Variants in TDRD9 observed in about 807,000 individuals in gnomAD.
TDRD9 encodes ATP-dependent RNA helicase TDRD9.
Under a neutral mutation model 172.6 loss-of-function variants are expected in TDRD9, and 124 were observed. The ratio of observed to expected loss-of-function variants is 0.72; its 90% confidence interval spans 0.62 to 0.83. TDRD9 has a LOEUF of 0.83. Among genes scored for constraint, TDRD9 ranks in the 40% least tolerant of loss-of-function variants. TDRD9 has a pLI of 0.00. For missense variants in TDRD9, 1,479 were observed against 1,714.1 expected (o/e 0.86, Z 2.42); for synonymous variants, 619 against 617.1 (o/e 1.00, Z -0.05).
chr14:103,966,938 TC>T, intron 5 of TDRD9, 107 bp downstream of exon 5: 1 of 1,090,702 alleles, frequency 9.2e-7, no homozygotes, highest in East Asian at 2.9e-5. Flanking sequence ...CTTTATTTTT[TC>T]CTTCCCCTTT....
At chr14:103,995,114 C>T (rs1282134327) in intron 11 of TDRD9, among the ~76,000 whole-genome samples, 2 of 152,106 alleles carry the variant, frequency 1.3e-5, no homozygotes, top group Non-Finnish European at 2.9e-5. Flanking sequence ...TTTGTTTTCT[C>T]AATTCAGGAA....
chr14:103,950,090 C>CTTTT lies in TDRD9; in HGVS notation c.216-5559_216-5556dup, dbSNP rs58379140. On this transcript the variant is annotated intron_variant, in intron 1 of 35. Transcript: ENST00000409874. ...GGGCCCTGCCCTCTTTCCTTCCTTC[C>CTTTT]TTTTTTTTTTTTTTTTTTGATGGAG... Among the ~76,000 whole-genome samples the CTTTT allele has an allele frequency of 1.8e-4, 19 of 108,438 alleles. 1 individual carries two copies. The highest frequency in any genetic ancestry group is 2.7e-4 in the East Asian group (1 of 3,706). 71.1% of individuals were successfully genotyped at this position (108,438 alleles called of 152,430 possible). A position where few individuals can be genotyped will look rare whatever the true frequency, so the allele number is the denominator to read the frequency against.
At position 104,026,817 on chromosome 14, in the gene TDRD9, G is replaced by A. The variant is rs906404116; in HGVS notation, c.3160G>A (p.Val1054Met). 2 of 1,614,052 alleles carry A rather than the reference G, an allele frequency of 1.2e-6. No individual in the cohort carries two copies. The highest frequency in any genetic ancestry group is 4.5e-5 in the East Asian group (2 of 44,888). Residue 1054 changes from valine (V) to methionine (M), a missense_variant, in exon 28 of 36, where the codon GTG (valine) becomes ATG (methionine). Around this residue, in one of 3 missense-constraint regions of TDRD9, gnomAD observed 1,413 missense variants for 1,649.1 expected, o/e 0.86. Transcript: ENST00000409874. The stretch of plus-strand genomic sequence containing the variant: ...CCTCCTTGTGAAGGTCTTCTCTGTG[G>A]TGCACAGCGTCCTGCACGTGGATGT... ...CTLLVKVFSVVHSVLHVDVYQ... is the reference protein window; with the variant it reads ...CTLLVKVFSVMHSVLHVDVYQ...
intron 1 of TDRD9, among the ~76,000 whole-genome samples, chr14:103,946,131 A>G (rs895893989): frequency 6.6e-6 from 1 of 151,792 alleles, no homozygotes; most frequent in Non-Finnish European, 1.5e-5. Flanking sequence ...ATGCCTGACT[A>G]ATTTTTAAAT....
At position 103,934,303 on chromosome 14, in the gene TDRD9, G is replaced by C. The variant is rs562025659; in HGVS notation, c.215+5579G>C. ...GCTGGGATTATAGGAATGAGCCACT[G>C]CCCTGGCCAAAGTCCACATTTTTAA... On this transcript the variant is annotated intron_variant, in intron 1 of 35. Transcript: ENST00000409874. 5.3e-5 allele frequency among the ~76,000 whole-genome samples: 8 copies of C among 152,320 alleles called. No homozygotes were observed. The East Asian group carries it at 1.5e-3, about 29-fold the overall frequency.
chr14:103,937,253 C>G (rs998967892), intron 1 of TDRD9, among the ~76,000 whole-genome samples: 5 of 152,192 alleles, frequency 3.3e-5, no homozygotes, highest in African/African-American at 7.2e-5. Flanking sequence ...ATCTCCTTGT[C>G]TGCTGCTCTC....
chr14:103,956,913 G>A (rs1419608401), intron 2 of TDRD9, among the ~76,000 whole-genome samples: 4 of 152,108 alleles, frequency 2.6e-5, no homozygotes, highest in African/African-American at 7.2e-5. Context: ...ATCTGTCATA[G>A]ATTTCTGCTA....
chr14:103,956,099 AAAAAAAAAAAAAATATATATATAT>A (rs1459644339), intron 2 of TDRD9, among the ~76,000 whole-genome samples: 3 of 53,324 alleles, frequency 5.6e-5, no homozygotes, highest in East Asian at 4.8e-4. Context: ...AAAAAAAAAA[AAAAAAAAAAAAAATATATATATAT>A]ATATATATAT....
At chr14:103,952,220 A>ATTTTTTTTTTT (rs61410445) in intron 1 of TDRD9, among the ~76,000 whole-genome samples, 1 of 32,320 alleles carries the variant, frequency 3.1e-5, no homozygotes, top group Non-Finnish European at 5.0e-5. Flanking sequence ...ATATATATAT[A>ATTTTTTTTTTT]TTTTTTTTTT....
Position 104,042,122 on chromosome 14 carries a change from A to T in TDRD9, c.3909A>T (p.Gly1303=), listed in dbSNP as rs755897913. The T allele has an allele frequency of 6.2e-7, 1 of 1,613,838 alleles. No individual in the cohort carries two copies. Among genetic ancestry groups the T allele is most frequent in the Non-Finnish European group, 8.5e-7 (1 of 1,179,736 alleles). The stretch of plus-strand genomic sequence containing the variant: ...AGCTAGTCTGTGATGGACCAAATGG[A>T]TGCAAGTGTCTTGGGCCAGAGAGAG... ...INKLVCDGPN[G]CKCLGPERVA... The change falls in exon 34 of 36, where the codon GGA becomes GGT. Residue 1303 remains glycine, a synonymous_variant. Coordinates refer to ENST00000409874, the MANE Select transcript of TDRD9 (RefSeq NM_153046.3).
intron 28 of TDRD9, among the ~76,000 whole-genome samples, chr14:104,027,513 G>T (rs780650884): frequency 6.6e-6 from 1 of 152,140 alleles, no homozygotes; most frequent in Non-Finnish European, 1.5e-5. Flanking sequence ...TTGAAAATCA[G>T]TGTTAGAGTT....
Position 103,980,244 on chromosome 14 carries a change from G to A in TDRD9, c.1011+4691G>A, listed in dbSNP as rs111835159. 2.4e-4 allele frequency among the ~76,000 whole-genome samples: 36 copies of A among 152,196 alleles called. No individual in the cohort carries two copies. Among genetic ancestry groups the A allele is most frequent in the African/African-American group, 6.7e-4 (28 of 41,518 alleles). Reference sequence around the variant, plus strand: ...CCTGGGGGACCACTACCACCAAGACGCAGAGACCAGTAGTGGCCCCGAATG... The same window carrying A: ...CCTGGGGGACCACTACCACCAAGACACAGAGACCAGTAGTGGCCCCGAATG... On this transcript the variant is annotated intron_variant, in intron 7 of 35. Coordinates refer to ENST00000409874, the MANE Select transcript of TDRD9 (RefSeq NM_153046.3). This position sits in a 1 kb window ranked among gnomAD's most constrained non-coding sequence, Gnocchi z 4.5.
chr14:104,042,132 C>T lies in TDRD9; in HGVS notation c.3919C>T (p.Leu1307Phe), dbSNP rs768587497. Residue 1307 changes from leucine to phenylalanine, a missense_variant, in exon 34 of 36, where the codon CTT becomes TTT. By Grantham distance (22) the Leu-to-Phe change is conservative. Coordinates refer to ENST00000409874, the MANE Select transcript of TDRD9 (RefSeq NM_153046.3). Reference protein sequence around the residue: ...VCDGPNGCKCLGPERVAQLQD... With the variant: ...VCDGPNGCKCFGPERVAQLQD... ...TGATGGACCAAATGGATGCAAGTGT[C>T]TTGGGCCAGAGAGAGTTGCGCAGCT... The T allele has an allele frequency of 1.9e-6, 3 of 1,613,682 alleles. No individual in the cohort carries two copies. Among genetic ancestry groups the T allele is most frequent in the African/African-American group, 2.7e-5 (2 of 74,916 alleles).
chr14:104,008,394 T>C lies in TDRD9; in HGVS notation c.2053-19T>C, dbSNP rs769544084. 7.3e-7 allele frequency: 1 copy of C among 1,363,844 alleles called. No individual in the cohort carries two copies. The highest frequency in any genetic ancestry group is 1.0e-6 in the Non-Finnish European group (1 of 958,594). The allele number at this position is 1,363,844 out of a possible 1,614,324, so 84.5% of individuals were successfully genotyped here. A position where few individuals can be genotyped will look rare whatever the true frequency, so the allele number is the denominator to read the frequency against. Reference sequence around the variant, plus strand: ...TTTATTACCTTAATATTGAGTATTCTGCTTTTATATATTTAAAGGATGAAC... The same window carrying C: ...TTTATTACCTTAATATTGAGTATTCCGCTTTTATATATTTAAAGGATGAAC... On this transcript the variant is annotated intron_variant, in intron 19 of 35. Transcript: ENST00000409874.
intron 9 of TDRD9, 33 bp from the exon 10 acceptor site, chr14:103,994,299 T>C: frequency 6.3e-7 from 1 of 1,596,860 alleles, no homozygotes; most frequent in Non-Finnish European, 8.6e-7. Flanking sequence ...TACAAACATG[T>C]TTATTTCCCT....
chr14:104,034,040 T>C lies in TDRD9; in HGVS notation c.3590T>C (p.Val1197Ala). The C allele has an allele frequency of 6.4e-7, 1 of 1,551,206 alleles. No homozygotes were observed. Among genetic ancestry groups the C allele is most frequent in the Non-Finnish European group, 8.7e-7 (1 of 1,146,438 alleles). Residue 1197 changes from valine to alanine, a missense_variant, in exon 31 of 36, where the codon GTT becomes GCT. By Grantham distance (64) the Val-to-Ala change is moderately conservative (BLOSUM62 0). Transcript: ENST00000409874. Reference sequence around the variant, plus strand: ...GAAGACCTTCACCAGAGAATGCTGGTTGCAGCTTCCCTTTCCATCAATGCG... The same window carrying C: ...GAAGACCTTCACCAGAGAATGCTGGCTGCAGCTTCCCTTTCCATCAATGCG... ...APEDLHQRML[V>A]AASLSINATG...
Position 104,019,734 on chromosome 14 carries a change from C to G in TDRD9, c.2432+1542C>G, listed in dbSNP as rs554100810. Among the ~76,000 whole-genome samples the G allele has an allele frequency of 5.3e-5, 8 of 152,310 alleles. No individual in the cohort carries two copies. The South Asian group carries it at 1.7e-3, about 32-fold the overall frequency. ...ATGGGCAGATGGGCACAGGTGGTAC[C>G]TGGGCATATCATGTTCTCCCATAAG... On this transcript the variant is annotated intron_variant, in intron 23 of 35. Transcript: ENST00000409874.
intron 30 of TDRD9, among the ~76,000 whole-genome samples, chr14:104,033,135 A>C (rs1209256816): frequency 6.6e-6 from 1 of 152,192 alleles, no homozygotes; most frequent in African/African-American, 2.4e-5. Flanking sequence ...AAGGGCCGTG[A>C]ACCTTACTAT....
intron 8 of TDRD9, among the ~76,000 whole-genome samples, chr14:103,987,657 T>C (rs541721229): frequency 2.8e-4 from 42 of 152,322 alleles, no homozygotes; most frequent in African/African-American, 9.6e-4. Flanking sequence ...TGGAGGTTTG[T>C]TGCATGCCTA....
Sources: gnomAD v4.1 joint callset for allele counts (sites outside exome capture counted in the v4.1 genomes callset) on GRCh38, gnomAD v4.1.1 for gene constraint, gnomAD v4.1.1 regional missense constraint, Gnocchi (gnomAD v3.1) non-coding constraint, MANE v1.5 for transcripts, NCBI Gene and HGNC (gene_info 2026-07-23, HGNC 2026-07-21) for gene names.